The following PTPRT variants were observed in gnomAD, a reference collection of about 807,000 sequenced individuals.
PTPRT encodes protein tyrosine phosphatase receptor type T.
In PTPRT, 56 loss-of-function variants were observed where a neutral mutation model predicts 176.8. The ratio of observed to expected loss-of-function variants is 0.32; its 90% CI spans 0.26 to 0.40. The LOEUF is 0.40. Among genes scored for constraint, PTPRT ranks in the 10% least tolerant of loss-of-function variants. PTPRT has a pLI of 1.00. For missense variants in PTPRT, 1,540 were observed against 1,908.2 expected (o/e 0.81, Z 3.60); for synonymous variants, 783 against 739.0 (o/e 1.06, Z -0.96).
chr20:42,467,900 A>C (rs900240927), intron 8 of PTPRT, among the ~76,000 whole-genome samples: 1 of 152,234 alleles, frequency 6.6e-6, no homozygotes, highest in Non-Finnish European at 1.5e-5. Flanking sequence ...TAATATGTCT[A>C]TCCGTGCCTA....
chr20:43,127,410 G>A lies in PTPRT; in HGVS notation c.88+62236C>T, dbSNP rs184419430. The stretch of plus-strand genomic sequence containing the variant: ...TGCACTCCTGCCTGGGCAACAGAGC[G>A]AGACTCCATCTCAAAAAAAAAAAAA... On this transcript the variant is annotated intron_variant, in intron 1 of 30. Transcript: ENST00000373187. Among the ~76,000 whole-genome samples the A allele has an allele frequency of 3.9e-3, 562 of 145,400 alleles. 2 individuals carry two copies. Among genetic ancestry groups the A allele is most frequent in the African/African-American group, 0.013 (505 of 39,390 alleles).
In PTPRT at chr20:42,195,486, C is replaced by T. The variant is rs369747482; in HGVS notation, c.2491+3754G>A. On this transcript the variant is annotated intron_variant, in intron 16 of 30. Transcript: ENST00000373187. ...TGTAAGCATTACTTACATTTTTCCC[C>T]CTCAAATCTCATCCCAGTGGTTCCA... is the stretch of plus-strand genomic sequence containing the variant. Among the ~76,000 whole-genome samples, 19 of 148,998 alleles carry T rather than the reference C, an allele frequency of 1.3e-4. No individual in the cohort carries two copies. In the South Asian group the frequency reaches 3.6e-3, roughly 28 times the overall value.
chr20:42,331,151 T>C (rs1047526492), intron 11 of PTPRT, among the ~76,000 whole-genome samples: 9 of 151,846 alleles, frequency 5.9e-5, no homozygotes, highest in African/African-American at 2.2e-4. Flanking sequence ...ACCCCCTTTA[T>C]ACTCCTGTCA....
intron 9 of PTPRT, among the ~76,000 whole-genome samples, chr20:42,380,430 C>T (rs2145630498): frequency 6.6e-6 from 1 of 152,330 alleles, no homozygotes; most frequent in East Asian, 1.9e-4. Flanking sequence ...ATGCACTCCT[C>T]ACTTCCCTTA....
intron 1 of PTPRT, among the ~76,000 whole-genome samples, chr20:42,892,455 A>T (rs1203895161): frequency 6.6e-6 from 1 of 151,930 alleles, no homozygotes; most frequent in East Asian, 1.9e-4. Context: ...GAATAGAAAG[A>T]TGTTCTTTTA....
chr20:42,480,705 A>C (rs2071370296), intron 7 of PTPRT, among the ~76,000 whole-genome samples: 1 of 152,188 alleles, frequency 6.6e-6, no homozygotes. Flanking sequence ...ATTGAAACCC[A>C]GCTAAGCCAA....
At chr20:42,528,654 T>C (rs1399342402) in intron 7 of PTPRT, among the ~76,000 whole-genome samples, 1 of 152,140 alleles carries the variant, frequency 6.6e-6, no homozygotes, top group Non-Finnish European at 1.5e-5. Context: ...GGATAACCAA[T>C]GCTATAAGTA....
chr20:42,207,002 T>G (rs968048757), intron 15 of PTPRT, among the ~76,000 whole-genome samples: 43 of 152,128 alleles, frequency 2.8e-4, no homozygotes, highest in Non-Finnish European at 8.8e-5. Flanking sequence ...CCGAGCAGCC[T>G]AACTGGGAGG....
At chr20:42,357,711 G>A (rs2058376467) in intron 9 of PTPRT, among the ~76,000 whole-genome samples, 1 of 151,980 alleles carries the variant, frequency 6.6e-6, no homozygotes, top group African/African-American at 2.4e-5. Flanking sequence ...GAGTTTAAGA[G>A]CAGCCTGGGC....
chr20:42,227,098 A>G (rs578030461), intron 15 of PTPRT, among the ~76,000 whole-genome samples: 61 of 152,038 alleles, frequency 4.0e-4, no homozygotes, highest in African/African-American at 1.4e-3. Flanking sequence ...CTGAAAATCA[A>G]TCAGACTCTG....
chr20:42,804,391 C>T (rs2077574639), intron 2 of PTPRT, among the ~76,000 whole-genome samples: 1 of 152,130 alleles, frequency 6.6e-6, no homozygotes, highest in African/African-American at 2.4e-5. Context: ...TGCTGCTGTC[C>T]ACCTCATCCA....
intron 18 of PTPRT, 43 bp from the exon 19 acceptor site, chr20:42,128,873 C>A (rs6093572): frequency 9.9e-5 from 149 of 1,510,378 alleles, no homozygotes; most frequent in Non-Finnish European, 1.3e-4. Flanking sequence ...GATAAGAGGC[C>A]TTACGCAGCT....
intron 7 of PTPRT, among the ~76,000 whole-genome samples, chr20:42,630,531 G>A (rs925052433): frequency 6.6e-6 from 1 of 152,188 alleles, no homozygotes; most frequent in Non-Finnish European, 1.5e-5. Flanking sequence ...ACAAAGAGCT[G>A]AATGGGTTTC....
chr20:42,044,075 T>A, the PTPRT span, among the ~76,000 whole-genome samples: 1 of 152,184 alleles, frequency 6.6e-6, no homozygotes, highest in Admixed American at 6.5e-5. Context: ...ATAGGCATTG[T>A]CCTGGTCCTC....
intron 7 of PTPRT, among the ~76,000 whole-genome samples, chr20:42,526,014 G>GTT (rs11477358): frequency 6.9e-6 from 1 of 144,696 alleles, no homozygotes; most frequent in South Asian, 2.2e-4. Context: ...TATGGAGAGT[G>GTT]TTTTTTTTTT....
chr20:42,927,641 A>ATGG (rs1292876584), intron 1 of PTPRT, among the ~76,000 whole-genome samples: 1 of 152,128 alleles, frequency 6.6e-6, no homozygotes, highest in Non-Finnish European at 1.5e-5. Flanking sequence ...GGAGCTACTC[A>ATGG]TGGTGGTGTG....
At position 42,364,160 on chromosome 20, in the gene PTPRT, C is replaced by A. The variant is rs2058482560; in HGVS notation, c.1561-11875G>T. On this transcript the variant is annotated intron_variant, in intron 9 of 30. Transcript: ENST00000373187. ...TTTCTGACCACCTGGGAACTTCCTG[C>A]ATCATTGTCAGAGGCCAAGTCAGGG... Among the ~76,000 whole-genome samples, 3 of 152,160 alleles carry A rather than the reference C, an allele frequency of 2.0e-5. No homozygotes were observed. The South Asian group carries it at 6.2e-4, about 32-fold the overall frequency.
At chr20:42,263,468 C>T (rs950594929) in intron 13 of PTPRT, among the ~76,000 whole-genome samples, 4 of 149,706 alleles carry the variant, frequency 2.7e-5, no homozygotes, top group Non-Finnish European at 5.9e-5. Context: ...GCAACCTCCA[C>T]CTCCCGGCTT....
In PTPRT at chr20:42,272,972, T is replaced by C. The variant is rs532495849; in HGVS notation, c.2176+9517A>G. Among the ~76,000 whole-genome samples the C allele has an allele frequency of 2.0e-4, 30 of 152,332 alleles. No homozygotes were observed. The South Asian group carries it at 6.0e-3, about 31-fold the overall frequency. On this transcript the variant is annotated intron_variant, in intron 13 of 30. Coordinates refer to ENST00000373187, the MANE Select transcript of PTPRT (RefSeq NM_007050.6). ...TAATTGTTACTCTTCTTTCAAACCT[T>C]ATCTCAGTGATCACACATTCTGAAA...
Sources: allele counts gnomAD v4.1 joint callset (sites outside exome capture counted in the v4.1 genomes callset), GRCh38; gene constraint gnomAD v4.1.1; transcripts MANE v1.5; gene names NCBI Gene and HGNC (gene_info 2026-07-23, HGNC 2026-07-21).